The following GRK2 variants were observed in gnomAD, a reference collection of about 807,000 sequenced individuals.
GRK2 encodes the protein adrenergic beta receptor kinase 1.
Under a neutral mutation model 97.8 loss-of-function variants are expected in GRK2, and 23 were observed. The ratio of observed to expected loss-of-function variants is 0.24; its 90% confidence interval spans 0.17 to 0.33. GRK2 has a LOEUF of 0.33. Ranked by LOEUF, GRK2 falls within the 10% of genes least tolerant of loss-of-function variation. The pLI is 1.00. For missense variants in GRK2, 633 were observed against 956.9 expected (o/e 0.66, Z 4.47); for synonymous variants, 425 against 381.7 (o/e 1.11, Z -1.32).
At chr11:67,267,688 G>A (rs1859826889) in intron 1 of GRK2, among the ~76,000 whole-genome samples, 1 of 152,250 alleles carries the variant, frequency 6.6e-6, no homozygotes, top group African/African-American at 2.4e-5. Context: ...GGATGTAGGT[G>A]CAAAAGTACA....
At position 67,285,430 on chromosome 11, in the gene GRK2, G is replaced by A. The variant is rs1030574788; in HGVS notation, c.2050G>A (p.Gly684Ser). ...GAGCAAGGTGCCGCTGGTCCAGCGC[G>A]GCAGTGCCAACGGCCTCTGACCCGC... ...ELSKVPLVQR[G>S]SANGL The change falls in exon 21 of 21, where the codon GGC (glycine) becomes AGC (serine). Residue 684 changes from glycine (G) to serine (S), a missense_variant. By Grantham distance (56) the Gly-to-Ser change is moderately conservative. Transcript: ENST00000308595. The A allele has an allele frequency of 1.4e-5, 22 of 1,581,662 alleles. No homozygotes were observed. Among genetic ancestry groups the A allele is most frequent in the South Asian group, 5.7e-5 (5 of 88,212 alleles).
chr11:67,279,732 G>C (rs369067783), intron 5 of GRK2, 32 bp downstream of exon 5: 3 of 1,613,578 alleles, frequency 1.9e-6, no homozygotes, highest in Non-Finnish European at 2.5e-6. Context: ...CCCAGGCAAG[G>C]TCACCTTGGA....
chr11:67,275,273 G>C (rs1164806817), intron 1 of GRK2, among the ~76,000 whole-genome samples: 1 of 152,170 alleles, frequency 6.6e-6, no homozygotes, highest in Non-Finnish European at 1.5e-5. Context: ...GCGGATAAGA[G>C]CCCCCTCTCG....
At chr11:67,284,414 C>T in intron 18 of GRK2, 41 bp downstream of exon 18, 1 of 1,600,790 alleles carries the variant, frequency 6.2e-7, no homozygotes, top group South Asian at 1.1e-5. Flanking sequence ...CCCCTGCCTG[C>T]TTAGAAGTGA....
chr11:67,277,868 G>A (rs1860068655), intron 2 of GRK2, among the ~76,000 whole-genome samples: 1 of 152,226 alleles, frequency 6.6e-6, no homozygotes, highest in South Asian at 2.1e-4. Flanking sequence ...GGCAGGCTTG[G>A]GGCAGGTCTC....
At position 67,285,801 on chromosome 11, in the gene GRK2, A is replaced by C; in HGVS notation, c.*351A>C. On this transcript the variant is annotated 3_prime_UTR_variant, in exon 21 of 21. Coordinates refer to ENST00000308595, the MANE Select transcript of GRK2 (RefSeq NM_001619.5). Reference sequence around the variant, plus strand: ...GCCCATGGGCACTGCTGGGTGGCCCATCCCCCCTCACCAGGGGCAGGCACA... The same window carrying C: ...GCCCATGGGCACTGCTGGGTGGCCCCTCCCCCCTCACCAGGGGCAGGCACA... The C allele has an allele frequency of 6.7e-6, 2 of 299,746 alleles. No individual in the cohort carries two copies. The highest frequency in any genetic ancestry group is 6.3e-6 in the Non-Finnish European group (1 of 159,920). 18.6% of individuals were successfully genotyped at this position (299,746 alleles called of 1,614,324 possible).
intron 19 of GRK2, 26 bp from the exon 20 acceptor site, chr11:67,285,049 T>C (rs755751214): frequency 2.5e-6 from 4 of 1,612,734 alleles, no homozygotes; most frequent in Non-Finnish European, 3.4e-6. Context: ...GGCTCTTACC[T>C]GCACCACCCA....
In GRK2 at chr11:67,281,252, G is replaced by C. The variant is rs561798843; in HGVS notation, c.647+68G>C. ...GGCTCCTGGGGGACCCTGACAGGCC[G>C]GGTTCCACACAGGGCCACCTGCTGC... On this transcript the variant is annotated intron_variant, in intron 8 of 20. Coordinates refer to ENST00000308595, the MANE Select transcript of GRK2 (RefSeq NM_001619.5). This position sits in a 1 kb window ranked among gnomAD's most constrained non-coding sequence, Gnocchi z 5.7. The C allele has an allele frequency of 1.4e-6, 2 of 1,438,504 alleles. No individual in the cohort carries two copies. The highest frequency in any genetic ancestry group is 1.9e-6 in the Non-Finnish European group (2 of 1,034,940). The allele number at this position is 1,438,504 out of a possible 1,614,324, so 89.1% of individuals were successfully genotyped here.
At position 67,266,697 on chromosome 11, in the gene GRK2, A is replaced by C; in HGVS notation, c.-3A>C. ...GGCGGGAGGAGGCAGCGCCGCCGCC[A>C]AGATGGCGGACCTGGAGGCGGTGCT... On this transcript the variant is annotated 5_prime_UTR_variant, in exon 1 of 21. Transcript: ENST00000308595. 4.1e-6 allele frequency: 5 copies of C among 1,213,492 alleles called. No homozygotes were observed. Among genetic ancestry groups the C allele is most frequent in the East Asian group, 4.1e-5 (1 of 24,318 alleles). 75.2% of individuals were successfully genotyped at this position (1,213,492 alleles called of 1,614,324 possible).
chr11:67,284,247 C>G lies in GRK2; in HGVS notation c.1528C>G (p.Pro510Ala), dbSNP rs759915131. Residue 510 changes from proline (P) to alanine (A), a missense_variant, in exon 18 of 21, where the codon CCC becomes GCC. This residue lies in a region of GRK2 where 180 missense variants were observed against 311.3 expected (regional missense o/e 0.58). Transcript: ENST00000308595. ...TGATCAGGAGCTCTACCGCAACTTC[C>G]CCCTCACCATCTCGGAGCGGTGGCA... The part of the protein sequence containing the change: ...DSDQELYRNF[P>A]LTISERWQQE... 2 of 1,613,678 alleles carry G rather than the reference C, an allele frequency of 1.2e-6. No homozygotes were observed. Among genetic ancestry groups the G allele is most frequent in the Non-Finnish European group, 1.7e-6 (2 of 1,180,004 alleles).
In GRK2 at chr11:67,275,309, G is replaced by T. The variant is rs533195906; in HGVS notation, c.114-1963G>T. 3.6e-4 allele frequency among the ~76,000 whole-genome samples: 55 copies of T among 152,328 alleles called. No homozygotes were observed. In the South Asian group the frequency reaches 6.8e-3, roughly 19 times the overall value. On this transcript the variant is annotated intron_variant, in intron 1 of 20. Transcript: ENST00000308595. ...AGGCCGAGGTCAGAGGCCAGGCAGG[G>T]TCCACAGGCCAGGTCCGCACTGTCT...
At position 67,279,455 on chromosome 11, in the gene GRK2, G is replaced by A. The variant is rs371602631; in HGVS notation, c.302G>A (p.Arg101His). ...GAGAAGCTGGAGACGGAGGAGGAGC[G>A]TGTGGCCCGCAGCCGGGAGATCTTC... ...KYEKLETEEERVARSREIFDS... is the reference protein window; with the variant it reads ...KYEKLETEEEHVARSREIFDS... Residue 101 changes from arginine (R) to histidine (H), a missense_variant, in exon 4 of 21, where the codon CGT becomes CAT. Arg to His is a conservative substitution (Grantham distance 29). Coordinates refer to ENST00000308595, the MANE Select transcript of GRK2 (RefSeq NM_001619.5). 5 of 1,613,168 alleles carry A rather than the reference G, an allele frequency of 3.1e-6. No homozygotes were observed. The highest frequency in any genetic ancestry group is 2.2e-5 in the East Asian group (1 of 44,898).
intron 2 of GRK2, among the ~76,000 whole-genome samples, chr11:67,278,476 T>C (rs1158229350): frequency 6.6e-6 from 1 of 152,122 alleles, no homozygotes; most frequent in Non-Finnish European, 1.5e-5. Flanking sequence ...TTACACCCGT[T>C]CCATGCCCCC....
Position 67,286,122 on chromosome 11 carries a change from G to A in GRK2, c.*672G>A, listed in dbSNP as rs961540233. On this transcript the variant is annotated 3_prime_UTR_variant, in exon 21 of 21. Coordinates refer to ENST00000308595, the MANE Select transcript of GRK2 (RefSeq NM_001619.5). The stretch of plus-strand genomic sequence containing the variant: ...CCTCTTGCCCCAACCCCCAGCACCC[G>A]GGCTCAGGGACCACAGCAAGGCACC... 2.5e-5 allele frequency: 11 copies of A among 436,246 alleles called. No individual in the cohort carries two copies. Among genetic ancestry groups the A allele is most frequent in the Admixed American group, 8.5e-5 (2 of 23,440 alleles). The allele number at this position is 436,246 out of a possible 1,614,324, so 27.0% of individuals were successfully genotyped here.
rs1385516817 is a variant in GRK2, at chr11:67,286,490, G to T, written c.*1040G>T. ...TCATTCCCCGGGGCGTTTCTTTGCC[G>T]ATTTTTGAATGTGATTTTAAAGAGT... is the stretch of plus-strand genomic sequence containing the variant. On this transcript the variant is annotated 3_prime_UTR_variant, in exon 21 of 21. Transcript: ENST00000308595. The T allele has an allele frequency of 1.4e-6, 1 of 700,670 alleles. No homozygotes were observed. Among genetic ancestry groups the T allele is most frequent in the Non-Finnish European group, 2.6e-6 (1 of 383,466 alleles). The allele number at this position is 700,670 out of a possible 1,614,324, so 43.4% of individuals were successfully genotyped here.
In GRK2 at chr11:67,286,101, T is replaced by A; in HGVS notation, c.*651T>A. 2.4e-6 allele frequency: 1 copy of A among 412,246 alleles called. No homozygotes were observed. Among genetic ancestry groups the A allele is most frequent in the Non-Finnish European group, 4.4e-6 (1 of 229,190 alleles). 25.5% of individuals were successfully genotyped at this position (412,246 alleles called of 1,614,324 possible). A position where few individuals can be genotyped will look rare whatever the true frequency, so the allele number is the denominator to read the frequency against. On this transcript the variant is annotated 3_prime_UTR_variant, in exon 21 of 21. Coordinates refer to ENST00000308595, the MANE Select transcript of GRK2 (RefSeq NM_001619.5). ...CTGCTACCCTCCCTGCTGTCCCCTC[T>A]TGCCCCAACCCCCAGCACCCGGGCT...
chr11:67,281,959 G>A lies in GRK2; in HGVS notation c.957+7G>A, dbSNP rs1253686270. Reference sequence around the variant, plus strand: ...GGTCTACCGGGACCTGAAGGTGAGCGCCCCTGCTGTCCCCAGGCTGGACCT... The same window carrying A: ...GGTCTACCGGGACCTGAAGGTGAGCACCCCTGCTGTCCCCAGGCTGGACCT... On this transcript the variant is annotated splice_region_variant and intron_variant, in intron 11 of 20. Coordinates refer to ENST00000308595, the MANE Select transcript of GRK2 (RefSeq NM_001619.5). This position sits in a 1 kb window ranked among gnomAD's most constrained non-coding sequence, Gnocchi z 5.7. The A allele has an allele frequency of 5.0e-6, 8 of 1,613,172 alleles. No homozygotes were observed. In the East Asian group the frequency reaches 1.1e-4, roughly 22 times the overall value.
At position 67,285,125 on chromosome 11, in the gene GRK2, C is replaced by G. The variant is rs1244131139; in HGVS notation, c.1842C>G (p.Ile614Met). ...TCCAGTCGGTGGAGGAGACGCAGAT[C>G]AAGGAGCGCAAGTGCCTGCTCCTCA... is the stretch of plus-strand genomic sequence containing the variant. ...EEIQSVEETQ[I>M]KERKCLLLKI... Residue 614 changes from isoleucine to methionine, a missense_variant, in exon 20 of 21, where the codon ATC becomes ATG. By Grantham distance (10) the Ile-to-Met change is conservative. This residue lies in a region of GRK2 where 180 missense variants were observed against 311.3 expected (regional missense o/e 0.58). Transcript: ENST00000308595. The G allele has an allele frequency of 6.2e-7, 1 of 1,613,602 alleles. No individual in the cohort carries two copies. Among genetic ancestry groups the G allele is most frequent in the African/African-American group, 1.3e-5 (1 of 75,062 alleles).
chr11:67,284,047 C>T, intron 17 of GRK2, 98 bp downstream of exon 17: 5 of 1,421,208 alleles, frequency 3.5e-6, no homozygotes, highest in Non-Finnish European at 4.8e-6. Flanking sequence ...CTGTGCCAGC[C>T]CTGCCAGCTT....
Sources: allele counts gnomAD v4.1 joint callset (sites outside exome capture counted in the v4.1 genomes callset), GRCh38; gene constraint gnomAD v4.1.1; regional missense constraint gnomAD v4.1.1; non-coding constraint Gnocchi (gnomAD v3.1); transcripts MANE v1.5; gene names NCBI Gene and HGNC (gene_info 2026-07-23, HGNC 2026-07-21).